Variants in ABTB3 observed in about 807,000 individuals in gnomAD.
ABTB3 encodes ankyrin repeat- and BTB/POZ domain-containing protein 3.
the ABTB3 span, among the ~76,000 whole-genome samples, chr12:107,470,493 G>T: frequency 2.0e-5 from 3 of 152,208 alleles, no homozygotes; most frequent in East Asian, 3.9e-4. Context: ...AGTGTCCTTT[G>T]CCCCGAGGAG....
chr12:107,484,650 C>G, the ABTB3 span, among the ~76,000 whole-genome samples: 1 of 151,216 alleles, frequency 6.6e-6, no homozygotes, highest in East Asian at 1.9e-4. Context: ...AGAATAGACC[C>G]TGGTGAGGGT....
At chr12:107,640,451 C>T in the ABTB3 span, 1 of 1,308,550 alleles carries the variant, frequency 7.6e-7, no homozygotes, top group Non-Finnish European at 1.1e-6. Flanking sequence ...TGCATTATGA[C>T]TTTGGCTGTT....
the ABTB3 span, among the ~76,000 whole-genome samples, chr12:107,529,745 C>T: frequency 2.0e-5 from 3 of 152,268 alleles, no homozygotes; most frequent in Middle Eastern, 6.8e-3. Context: ...CACTTAAGGT[C>T]ACTCATCTAG....
At chr12:107,432,056 GC>G in the ABTB3 span, among the ~76,000 whole-genome samples, 871 of 152,328 alleles carry the variant, frequency 5.7e-3, 5 homozygotes, top group Middle Eastern at 0.051. Flanking sequence ...GCAGACTGCT[GC>G]TTGGCTATGT....
the ABTB3 span, among the ~76,000 whole-genome samples, chr12:107,479,296 C>T: frequency 2.0e-5 from 3 of 151,994 alleles, no homozygotes; most frequent in Non-Finnish European, 4.4e-5. Flanking sequence ...TGTCTCTCTT[C>T]TAAGAGACAT....
the ABTB3 span, among the ~76,000 whole-genome samples, chr12:107,615,442 G>C: frequency 0.14 from 20,888 of 152,200 alleles, 1,592 homozygotes; most frequent in East Asian, 0.29. Flanking sequence ...TGGGGCTTCA[G>C]CTATTTTTGT....
the ABTB3 span, among the ~76,000 whole-genome samples, chr12:107,601,986 A>T: frequency 6.6e-6 from 1 of 152,104 alleles, no homozygotes; most frequent in Non-Finnish European, 1.5e-5. Flanking sequence ...CCGAGCCCAG[A>T]TCCTCAGGGG....
chr12:107,364,367 C>T, the ABTB3 span, among the ~76,000 whole-genome samples: 2 of 151,894 alleles, frequency 1.3e-5, no homozygotes, highest in African/African-American at 4.8e-5. Flanking sequence ...CAGCTCACTG[C>T]AACCTCTGCC....
the ABTB3 span, among the ~76,000 whole-genome samples, chr12:107,381,898 T>C: frequency 6.6e-6 from 1 of 152,208 alleles, no homozygotes; most frequent in Non-Finnish European, 1.5e-5. Context: ...CTAATTTATG[T>C]AAATCGCAGA....
the ABTB3 span, among the ~76,000 whole-genome samples, chr12:107,527,032 T>C: frequency 1.3e-5 from 2 of 151,708 alleles, no homozygotes; most frequent in Non-Finnish European, 2.9e-5. Context: ...CCTGAAAAGC[T>C]CTTCCCCTAA....
chr12:107,559,611 C>G, the ABTB3 span, among the ~76,000 whole-genome samples: 1 of 152,154 alleles, frequency 6.6e-6, no homozygotes, highest in African/African-American at 2.4e-5. Context: ...GCTGCCAGCA[C>G]GCAGCTGGTT....
the ABTB3 span, among the ~76,000 whole-genome samples, chr12:107,356,999 G>C: frequency 6.6e-6 from 1 of 152,216 alleles, no homozygotes; most frequent in Non-Finnish European, 1.5e-5. Flanking sequence ...CTGATTGAAG[G>C]TTAGCTGTAA....
the ABTB3 span, among the ~76,000 whole-genome samples, chr12:107,534,075 T>C: frequency 6.6e-6 from 1 of 152,172 alleles, no homozygotes; most frequent in African/African-American, 2.4e-5. Flanking sequence ...GACATGCATC[T>C]GTAGCTCCAG....
chr12:107,404,178 A>AAAAAAAAAAG, the ABTB3 span, among the ~76,000 whole-genome samples: 29 of 149,762 alleles, frequency 1.9e-4, no homozygotes, highest in African/African-American at 6.7e-4. Context: ...AAAAAAAAAA[A>AAAAAAAAAAG]AAAAAAAAAG....
At chr12:107,563,557 C>T in the ABTB3 span, among the ~76,000 whole-genome samples, 4 of 151,952 alleles carry the variant, frequency 2.6e-5, no homozygotes, top group Non-Finnish European at 4.4e-5. Flanking sequence ...CATGTGGTTG[C>T]GGTGGCGGTG....
the ABTB3 span, among the ~76,000 whole-genome samples, chr12:107,413,469 C>T: frequency 3.9e-5 from 6 of 152,152 alleles, no homozygotes; most frequent in Non-Finnish European, 5.9e-5. Flanking sequence ...AAGCAGGACA[C>T]TCTAGTCCTG....
the ABTB3 span, chr12:107,635,223 C>T: frequency 1.4e-6 from 2 of 1,457,818 alleles, no homozygotes; most frequent in East Asian, 2.3e-5. Context: ...ATTCCTGGGG[C>T]ACAGCTTGAC....
the ABTB3 span, among the ~76,000 whole-genome samples, chr12:107,538,018 G>A: frequency 6.6e-6 from 1 of 152,106 alleles, no homozygotes; most frequent in Admixed American, 6.5e-5. Flanking sequence ...CCTTTCCAAA[G>A]CTACTGCCAT....
chr12:107,545,018 T>C, the ABTB3 span, among the ~76,000 whole-genome samples: 2 of 152,232 alleles, frequency 1.3e-5, no homozygotes, highest in African/African-American at 2.4e-5. Context: ...GTTGTAGATA[T>C]GATCTGCATA....
Sources: gnomAD v4.1 joint callset for allele counts (sites outside exome capture counted in the v4.1 genomes callset) on GRCh38, gnomAD v4.1.1 for gene constraint, MANE v1.5 for transcripts, NCBI Gene and HGNC (gene_info 2026-07-23, HGNC 2026-07-21) for gene names.